DLG2: variants seen among roughly 807,000 people sequenced by gnomAD.
The protein encoded by DLG2 is disks large homolog 2.
A neutral mutation model predicts 132.5 loss-of-function variants in DLG2; 45 were observed. The observed-to-expected ratio is 0.34, with a 90% CI of 0.27 to 0.44. The LOEUF is 0.44. Ranked by LOEUF, DLG2 falls within the 20% of genes least tolerant of loss-of-function variation. The pLI, the probability that DLG2 is intolerant of heterozygous loss-of-function variation, is 1.00. For synonymous variants in DLG2, 424 were observed against 419.6 expected (o/e 1.01, Z -0.13); for missense variants, 1,045 against 1,196.9 (o/e 0.87, Z 1.87).
Position 84,333,617 on chromosome 11 carries a change from G to A in DLG2, c.520-82326C>T, listed in dbSNP as rs987306754. Among the ~76,000 whole-genome samples, 8 of 152,188 alleles carry A rather than the reference G, an allele frequency of 5.3e-5. No homozygotes were observed. In the East Asian group the frequency reaches 7.7e-4, roughly 15 times the overall value. On this transcript the variant is annotated intron_variant, in intron 7 of 27. Transcript: ENST00000376104. ...TCTTAAAGCCAAGCTCCTTAACTGCGAATGAAGAAATCCACAGAAGAACAG... is the reference window on the plus strand; with the variant it reads ...TCTTAAAGCCAAGCTCCTTAACTGCAAATGAAGAAATCCACAGAAGAACAG...
chr11:85,422,871 A>C (rs1228882820), intron 3 of DLG2, among the ~76,000 whole-genome samples: 2 of 151,622 alleles, frequency 1.3e-5, no homozygotes, highest in Non-Finnish European at 2.9e-5. Flanking sequence ...ATTTCCTTAC[A>C]TTGGGCTTTG....
intron 6 of DLG2, among the ~76,000 whole-genome samples, chr11:84,606,306 A>G (rs1408907664): frequency 6.6e-6 from 1 of 152,164 alleles, no homozygotes; most frequent in African/African-American, 2.4e-5. Flanking sequence ...TTATGCGTAC[A>G]TGATAACAAT....
At chr11:83,869,047 G>T in intron 16 of DLG2, among the ~76,000 whole-genome samples, 1 of 152,140 alleles carries the variant, frequency 6.6e-6, no homozygotes, top group East Asian at 1.9e-4. Flanking sequence ...TGTTAGATTT[G>T]GAAGGCATCT....
intron 3 of DLG2, among the ~76,000 whole-genome samples, chr11:85,465,615 T>G (rs1316834248): frequency 6.6e-6 from 1 of 152,190 alleles, no homozygotes; most frequent in Non-Finnish European, 1.5e-5. Flanking sequence ...TTCATCCATG[T>G]CCTTACAAAG....
chr11:84,217,906 A>T (rs1232731036), intron 8 of DLG2, among the ~76,000 whole-genome samples: 1 of 152,116 alleles, frequency 6.6e-6, no homozygotes, highest in African/African-American at 2.4e-5. Context: ...AGTGGCTCAC[A>T]CCTGTAATCC....
chr11:84,640,357 T>G, intron 6 of DLG2: 1 of 342,746 alleles, frequency 2.9e-6, no homozygotes, highest in South Asian at 2.6e-5. Flanking sequence ...AAATAAATCC[T>G]CAGGGTTTGG....
rs191847494 is a variant in DLG2 at position 84,167,477 on chromosome 11, T to C, written c.574-3966A>G. ...TAGTAATCACCTGCCTGGATGATGA[T>C]ATAATTTGATTTTGAGATATATTTT... On this transcript the variant is annotated intron_variant, in intron 8 of 27. Coordinates refer to ENST00000376104, the MANE Select transcript of DLG2 (RefSeq NM_001142699.3). 3.9e-3 allele frequency among the ~76,000 whole-genome samples: 592 copies of C among 152,346 alleles called. 4 individuals carry two copies. Among genetic ancestry groups the C allele is most frequent in the Admixed American group, 0.014 (219 of 15,302 alleles).
At chr11:85,505,025 G>T (rs2093895623) in intron 3 of DLG2, among the ~76,000 whole-genome samples, 2 of 152,032 alleles carry the variant, frequency 1.3e-5, no homozygotes, top group Non-Finnish European at 2.9e-5. Flanking sequence ...TCTGTTATTG[G>T]TGTATTGGTG....
chr11:85,059,815 T>A (rs1028623078), intron 6 of DLG2, among the ~76,000 whole-genome samples: 2 of 151,654 alleles, frequency 1.3e-5, no homozygotes, highest in African/African-American at 4.8e-5. Context: ...TGGGAAGTTG[T>A]GTTCACTTTG....
chr11:85,557,860 AG>A (rs1358833294), intron 3 of DLG2, among the ~76,000 whole-genome samples: 1 of 151,930 alleles, frequency 6.6e-6, no homozygotes, highest in Non-Finnish European at 1.5e-5. Flanking sequence ...AAATCCTAGA[AG>A]AAAACCAAGG....
At chr11:83,683,892 G>A (rs1218843162) in intron 18 of DLG2, among the ~76,000 whole-genome samples, 1 of 152,020 alleles carries the variant, frequency 6.6e-6, no homozygotes, top group African/African-American at 2.4e-5. Context: ...AGAATGAAGG[G>A]CCCAGGGCTC....
At chr11:84,622,098 T>A (rs1206317701) in intron 6 of DLG2, among the ~76,000 whole-genome samples, 1 of 152,212 alleles carries the variant, frequency 6.6e-6, no homozygotes, top group Non-Finnish European at 1.5e-5. Context: ...TTTGACTTAA[T>A]AGTTTGTCCA....
chr11:85,004,303 C>T (rs184180652), intron 6 of DLG2, among the ~76,000 whole-genome samples: 228 of 152,322 alleles, frequency 1.5e-3, no homozygotes, highest in African/African-American at 5.2e-3. Context: ...AAACTGCCTT[C>T]CACAACGGTT....
intron 4 of DLG2, among the ~76,000 whole-genome samples, chr11:85,178,720 T>C (rs569072850): frequency 1.1e-4 from 17 of 151,846 alleles, no homozygotes; most frequent in Admixed American, 9.9e-4. Flanking sequence ...TAAAAAATAG[T>C]CATTGCAACA....
rs927909093 is a variant in DLG2 at position 83,480,719 on chromosome 11, T to TCTGA, written c.2293+3406_2293+3409dup. 4.4e-6 allele frequency: 5 copies of TCTGA among 1,126,498 alleles called. No individual in the cohort carries two copies. In the Admixed American group the frequency reaches 8.6e-5, roughly 19 times the overall value. The allele number at this position is 1,126,498 out of a possible 1,614,324, so 69.8% of individuals were successfully genotyped here. ...AAATACTATGACCCATTCATATACC[T>TCTGA]CTGACTTTCAAGATTTATGTGACAA... On this transcript the variant is annotated intron_variant, in intron 22 of 27. Transcript: ENST00000376104.
intron 3 of DLG2, among the ~76,000 whole-genome samples, chr11:85,468,189 G>C (rs1028379121): frequency 2.0e-5 from 3 of 151,114 alleles, no homozygotes; most frequent in Non-Finnish European, 2.9e-5. Flanking sequence ...GCATCTATTT[G>C]ATTCTTCTCT....
intron 17 of DLG2, among the ~76,000 whole-genome samples, chr11:83,809,526 G>A (rs1426938519): frequency 6.6e-6 from 1 of 152,112 alleles, no homozygotes; most frequent in East Asian, 1.9e-4. Flanking sequence ...CCAAGTGAAT[G>A]TTCAACCCCC....
At chr11:84,058,781 C>A (rs2096545921) in intron 11 of DLG2, among the ~76,000 whole-genome samples, 1 of 151,552 alleles carries the variant, frequency 6.6e-6, no homozygotes, top group Non-Finnish European at 1.5e-5. Flanking sequence ...ATAATAATCT[C>A]AAGAGATACG....
chr11:84,031,389 G>A (rs576571474), intron 11 of DLG2, among the ~76,000 whole-genome samples: 2 of 152,104 alleles, frequency 1.3e-5, no homozygotes, highest in Non-Finnish European at 2.9e-5. Context: ...TTTTTATTTT[G>A]CATTTGACCG....
Sources: allele counts gnomAD v4.1 joint callset (sites outside exome capture counted in the v4.1 genomes callset), GRCh38; gene constraint gnomAD v4.1.1; transcripts MANE v1.5; gene names NCBI Gene and HGNC (gene_info 2026-07-23, HGNC 2026-07-21).